GBE1: variants seen among roughly 807,000 people sequenced by gnomAD.
GBE1 encodes 1,4-alpha-glucan-branching enzyme.
In GBE1, 70 loss-of-function variants were observed where a neutral mutation model predicts 88.8. That is an observed-to-expected ratio of 0.79 (90% confidence interval 0.65 to 0.96). The LOEUF is 0.96. GBE1 is among the 40% of genes least tolerant of loss of function. The pLI is 0.00. For synonymous variants in GBE1, 284 were observed against 300.1 expected (o/e 0.95, Z 0.56); for missense variants, 872 against 871.0 (o/e 1.00, Z -0.01).
At chr3:81,637,337 A>T (rs1704605383) in intron 7 of GBE1, among the ~76,000 whole-genome samples, 1 of 152,138 alleles carries the variant, frequency 6.6e-6, no homozygotes, top group Non-Finnish European at 1.5e-5. Context: ...GGAATTTTCC[A>T]TTTAATATTT....
intron 12 of GBE1, among the ~76,000 whole-genome samples, chr3:81,541,766 T>C (rs892029659): frequency 6.6e-6 from 1 of 152,040 alleles, no homozygotes; most frequent in Non-Finnish European, 1.5e-5. Flanking sequence ...ACCCAGTCTA[T>C]GGTGGTTTGT....
chr3:81,679,481 T>C (rs937937420), intron 2 of GBE1, among the ~76,000 whole-genome samples: 3 of 152,332 alleles, frequency 2.0e-5, no homozygotes, highest in Non-Finnish European at 4.4e-5. Context: ...ATCCATTGTA[T>C]GCAATAAATT....
At chr3:81,760,140 T>TA (rs1459551486) in intron 1 of GBE1, among the ~76,000 whole-genome samples, 2 of 152,222 alleles carry the variant, frequency 1.3e-5, no homozygotes, top group Admixed American at 1.3e-4. Flanking sequence ...ATGGTTTATA[T>TA]AAGAGCATAA....
rs397990331 is a variant in GBE1, at chr3:81,710,232, C to CTTTTTTTTTTTTTTTTTTT, written c.144-4638_144-4620dup. On this transcript the variant is annotated intron_variant, in intron 1 of 15. Coordinates refer to ENST00000429644, the MANE Select transcript of GBE1 (RefSeq NM_000158.4). The stretch of plus-strand genomic sequence containing the variant: ...TTGTTTTACTCTTAAGGTAATTAAT[C>CTTTTTTTTTTTTTTTTTTT]TTTTTTTTTTTTTTTTTTTTGAGAC... Among the ~76,000 whole-genome samples, 5 of 93,206 alleles carry CTTTTTTTTTTTTTTTTTTT rather than the reference C, an allele frequency of 5.4e-5. 1 individual carries two copies. Among genetic ancestry groups the CTTTTTTTTTTTTTTTTTTT allele is most frequent in the African/African-American group, 2.3e-4 (5 of 21,754 alleles). 61.1% of individuals were successfully genotyped at this position (93,206 alleles called of 152,430 possible). A position where few individuals can be genotyped will look rare whatever the true frequency, so the allele number is the denominator to read the frequency against.
chr3:81,501,924 C>T (rs557538558), intron 14 of GBE1, among the ~76,000 whole-genome samples: 103 of 150,796 alleles, frequency 6.8e-4, no homozygotes, highest in South Asian at 1.5e-3. Context: ...GTCTCGAACT[C>T]TTGAGCCCAA....
intron 7 of GBE1, among the ~76,000 whole-genome samples, chr3:81,619,908 T>TA (rs1704301519): frequency 6.6e-6 from 1 of 151,770 alleles, no homozygotes; most frequent in Non-Finnish European, 1.5e-5. Flanking sequence ...GTAGATCTCT[T>TA]AGAGTAAAAC....
At chr3:81,590,909 C>G in intron 9 of GBE1, 128 bp downstream of exon 9, 1 of 730,860 alleles carries the variant, frequency 1.4e-6, no homozygotes, top group Non-Finnish European at 2.1e-6. Flanking sequence ...GATAGCTGCA[C>G]TATACTCAGG....
At chr3:81,657,563 C>G (rs1462890921) in intron 3 of GBE1, among the ~76,000 whole-genome samples, 2 of 151,870 alleles carry the variant, frequency 1.3e-5, no homozygotes, top group African/African-American at 4.8e-5. Flanking sequence ...TATAAAAGAC[C>G]ACTTCCTGGG....
rs1703869144 is a variant in GBE1, at chr3:81,590,944, T to C, written c.1236+93A>G. ...GGTAGAATTTCATTTACGCAATTATTGACAACATGAGATTGATTAATCAAA... is the reference window on the plus strand; with the variant it reads ...GGTAGAATTTCATTTACGCAATTATCGACAACATGAGATTGATTAATCAAA... On this transcript the variant is annotated intron_variant, in intron 9 of 15. Transcript: ENST00000429644. 15 of 1,098,230 alleles carry C rather than the reference T, an allele frequency of 1.4e-5. No homozygotes were observed. In the South Asian group the frequency reaches 1.8e-4, roughly 13 times the overall value. 68.0% of individuals were successfully genotyped at this position (1,098,230 alleles called of 1,614,324 possible). A position where few individuals can be genotyped will look rare whatever the true frequency, so the allele number is the denominator to read the frequency against.
At chr3:81,647,322 A>C (rs1161538074) in intron 5 of GBE1, among the ~76,000 whole-genome samples, 1 of 152,204 alleles carries the variant, frequency 6.6e-6, no homozygotes, top group African/African-American at 2.4e-5. Context: ...TTTGCACCTA[A>C]AAAATTATTT....
At chr3:81,622,770 C>T (rs1298525589) in intron 7 of GBE1, among the ~76,000 whole-genome samples, 1 of 152,164 alleles carries the variant, frequency 6.6e-6, no homozygotes, top group African/African-American at 2.4e-5. Flanking sequence ...CTTTTTACCT[C>T]TTGGTCAAAA....
rs568691543 is a variant in GBE1, at chr3:81,596,737, T to C, written c.993-2714A>G. On this transcript the variant is annotated intron_variant, in intron 7 of 15. Transcript: ENST00000429644. ...AAGTGGAAGATTCTCAAATATACATTAAAGATCCAAGTATGTAAGGACATC... is the reference window on the plus strand; with the variant it reads ...AAGTGGAAGATTCTCAAATATACATCAAAGATCCAAGTATGTAAGGACATC... Among the ~76,000 whole-genome samples, 29 of 151,938 alleles carry C rather than the reference T, an allele frequency of 1.9e-4. 1 individual carries two copies. In the South Asian group the frequency reaches 5.8e-3, roughly 31 times the overall value.
At chr3:81,624,657 T>TAC (rs904011930) in intron 7 of GBE1, among the ~76,000 whole-genome samples, 41 of 151,660 alleles carry the variant, frequency 2.7e-4, no homozygotes, top group Admixed American at 2.4e-3. Flanking sequence ...CACACATGCA[T>TAC]ACACACACAC....
At chr3:81,595,910 C>G (rs1242967659) in intron 7 of GBE1, among the ~76,000 whole-genome samples, 2 of 151,874 alleles carry the variant, frequency 1.3e-5, no homozygotes, top group Non-Finnish European at 2.9e-5. Context: ...ACAATAGTGA[C>G]AATGGAGCAC....
chr3:81,751,417 A>G (rs1028733758), intron 1 of GBE1, among the ~76,000 whole-genome samples: 3 of 152,248 alleles, frequency 2.0e-5, no homozygotes, highest in African/African-American at 7.2e-5. Context: ...GAAAGCCTTG[A>G]TGATCCAGGC....
In GBE1 at chr3:81,527,619, C is replaced by T. The variant is rs554773176; in HGVS notation, c.1934+7576G>A. Among the ~76,000 whole-genome samples the T allele has an allele frequency of 2.3e-4, 35 of 152,204 alleles. No individual in the cohort carries two copies. The South Asian group carries it at 3.5e-3, about 15-fold the overall frequency. On this transcript the variant is annotated intron_variant, in intron 14 of 15. Transcript: ENST00000429644. The stretch of plus-strand genomic sequence containing the variant: ...CAGCCAAAAGACACATGAAAAAATG[C>T]TCATCATCACTGGCCATCAGAGAAA...
intron 12 of GBE1, among the ~76,000 whole-genome samples, chr3:81,550,866 C>G (rs1703262523): frequency 6.6e-6 from 1 of 152,198 alleles, no homozygotes; most frequent in African/African-American, 2.4e-5. Flanking sequence ...CAACCAGCAG[C>G]CCTTGGGGCT....
intron 7 of GBE1, among the ~76,000 whole-genome samples, chr3:81,606,225 TCAG>T (rs1450944558): frequency 6.6e-6 from 1 of 152,200 alleles, no homozygotes; most frequent in Non-Finnish European, 1.5e-5. Flanking sequence ...TTTAGAGAAT[TCAG>T]TCTATGCTTT....
chr3:81,501,306 C>T (rs1452780234), intron 14 of GBE1, among the ~76,000 whole-genome samples: 1 of 152,148 alleles, frequency 6.6e-6, no homozygotes, highest in Non-Finnish European at 1.5e-5. Context: ...TTGTACAGGT[C>T]TGTTTCGGCA....
Sources: gnomAD v4.1 joint callset for allele counts (sites outside exome capture counted in the v4.1 genomes callset) on GRCh38, gnomAD v4.1.1 for gene constraint, MANE v1.5 for transcripts, NCBI Gene and HGNC (gene_info 2026-07-23, HGNC 2026-07-21) for gene names.